Variants in CELF2 observed in about 807,000 individuals in gnomAD.
The protein encoded by CELF2 is CUG triplet repeat RNA-binding protein 2.
Under a neutral mutation model 62.6 loss-of-function variants are expected in CELF2, and 8 were observed. The observed-to-expected ratio is 0.13, with a 90% confidence interval of 0.07 to 0.23. The LOEUF is 0.23. CELF2 is among the 10% of genes least tolerant of loss of function. The pLI, the probability that CELF2 is intolerant of heterozygous loss-of-function variation, is 1.00. For synonymous variants in CELF2, 258 were observed against 250.0 expected (o/e 1.03, Z -0.30); for missense variants, 333 against 671.0 (o/e 0.50, Z 5.56).
At chr10:11,088,983 G>A (rs913087382) in intron 1 of CELF2, among the ~76,000 whole-genome samples, 14 of 152,216 alleles carry the variant, frequency 9.2e-5, no homozygotes, top group Admixed American at 1.3e-4. Flanking sequence ...CCATTGGCAC[G>A]GCTGCTGGGT....
chr10:11,232,509 GA>G (rs1165125868), intron 3 of CELF2, among the ~76,000 whole-genome samples: 4 of 152,156 alleles, frequency 2.6e-5, no homozygotes, highest in Non-Finnish European at 4.4e-5. Context: ...CTCATTAGTG[GA>G]AATGAGCTCT....
chr10:10,665,555 C>T, the CELF2 span, among the ~76,000 whole-genome samples: 3 of 152,084 alleles, frequency 2.0e-5, no homozygotes, highest in Non-Finnish European at 4.4e-5. Context: ...TAGAAACCTA[C>T]CAGCAGGTAT....
intron 1 of CELF2, among the ~76,000 whole-genome samples, chr10:11,054,726 G>GTT (rs113927896): frequency 3.9e-5 from 6 of 152,150 alleles, no homozygotes; most frequent in African/African-American, 1.4e-4. Context: ...TTTTCTAGTG[G>GTT]TTTTTTTCTT....
chr10:10,696,495 G>T, the CELF2 span, among the ~76,000 whole-genome samples: 2 of 151,872 alleles, frequency 1.3e-5, no homozygotes, highest in Admixed American at 1.3e-4. Context: ...AGCCTACAGA[G>T]GCAGGCAGGC....
the CELF2 span, among the ~76,000 whole-genome samples, chr10:10,773,215 T>G: frequency 6.6e-6 from 1 of 152,204 alleles, no homozygotes; most frequent in Non-Finnish European, 1.5e-5. Flanking sequence ...TTGACCCACC[T>G]TTTAAGATTT....
chr10:10,553,575 CAG>C, the CELF2 span, among the ~76,000 whole-genome samples: 1 of 152,136 alleles, frequency 6.6e-6, no homozygotes, highest in Non-Finnish European at 1.5e-5. Flanking sequence ...CGAAGGGAGA[CAG>C]AGTCACACAC....
intron 1 of CELF2, among the ~76,000 whole-genome samples, chr10:11,115,757 G>A (rs961750296): frequency 1.3e-5 from 2 of 152,140 alleles, no homozygotes; most frequent in African/African-American, 2.4e-5. Flanking sequence ...GAAAACATAG[G>A]GAGATTCAAG....
the CELF2 span, among the ~76,000 whole-genome samples, chr10:10,611,029 G>A: frequency 1.3e-4 from 20 of 152,318 alleles, no homozygotes; most frequent in Admixed American, 5.9e-4. Context: ...TGGACGAGGT[G>A]CTCTGTATGT....
At chr10:11,142,648 C>A (rs373791801) in intron 1 of CELF2, among the ~76,000 whole-genome samples, 1 of 138,734 alleles carries the variant, frequency 7.2e-6, no homozygotes. Context: ...CATGCCACTG[C>A]GGTCCAGCCT....
At chr10:10,562,120 G>C in the CELF2 span, among the ~76,000 whole-genome samples, 11 of 152,224 alleles carry the variant, frequency 7.2e-5, no homozygotes, top group African/African-American at 2.4e-4. Context: ...CCCCAGTGGA[G>C]AGGTTATTAG....
At chr10:11,074,795 T>C (rs1356491443) in intron 1 of CELF2, among the ~76,000 whole-genome samples, 1 of 152,146 alleles carries the variant, frequency 6.6e-6, no homozygotes, top group Non-Finnish European at 1.5e-5. Context: ...TATTCCAACC[T>C]CTACCTAGGA....
At position 11,005,361 on chromosome 10, in the gene CELF2, T is replaced by C. The variant is rs1481696464; in HGVS notation, c.-27T>C. 6.2e-7 allele frequency: 1 copy of C among 1,613,628 alleles called. No individual in the cohort carries two copies. Among genetic ancestry groups the C allele is most frequent in the South Asian group, 1.1e-5 (1 of 91,046 alleles). On this transcript the variant is annotated 5_prime_UTR_variant, in exon 1 of 13. Coordinates refer to the CELF2 transcript ENST00000416382. This position sits in a 1 kb window ranked among gnomAD's most constrained non-coding sequence, Gnocchi z 4.3. ...TGTTTGAGCATACTTCTGAACTGGC[T>C]TTTGTTGAGACTATCAGTATAGAAG... is the stretch of plus-strand genomic sequence containing the variant.
At chr10:10,501,706 G>A in the CELF2 span, among the ~76,000 whole-genome samples, 1 of 152,036 alleles carries the variant, frequency 6.6e-6, no homozygotes, top group African/African-American at 2.4e-5. Flanking sequence ...TTGTATGTAG[G>A]CAGTCATATC....
At chr10:11,101,005 A>T (rs2051453877) in intron 1 of CELF2, among the ~76,000 whole-genome samples, 1 of 152,136 alleles carries the variant, frequency 6.6e-6, no homozygotes, top group Non-Finnish European at 1.5e-5. Context: ...TTGAGACTTG[A>T]CTGTTTCTAA....
In CELF2 at chr10:11,320,207, C is replaced by T. The variant is rs192432319; in HGVS notation, c.1097-982C>T. On this transcript the variant is annotated intron_variant, in intron 10 of 12. Coordinates refer to ENST00000633077, the MANE Select transcript of CELF2 (RefSeq NM_001326342.2). The stretch of plus-strand genomic sequence containing the variant: ...TATAAAGTGTTGCTTGCTTTGACTC[C>T]GTATTCAGGGAAAATGTGACAGTCA... 2.5e-3 allele frequency among the ~76,000 whole-genome samples: 383 copies of T among 152,222 alleles called. 1 individual carries two copies. Among genetic ancestry groups the T allele is most frequent in the African/African-American group, 8.5e-3 (352 of 41,514 alleles).
chr10:11,272,731 GC>G (rs1207910890), intron 7 of CELF2, among the ~76,000 whole-genome samples: 1 of 152,192 alleles, frequency 6.6e-6, no homozygotes, highest in Non-Finnish European at 1.5e-5. Context: ...CAGCTGAAAA[GC>G]CCTTTCTCTG....
the CELF2 span, among the ~76,000 whole-genome samples, chr10:10,614,840 T>C: frequency 1.3e-5 from 2 of 152,094 alleles, no homozygotes; most frequent in Non-Finnish European, 2.9e-5. Context: ...AGATGGTAAA[T>C]GAAGAATCTG....
chr10:11,131,080 A>T (rs2059553866), intron 1 of CELF2, among the ~76,000 whole-genome samples: 1 of 152,258 alleles, frequency 6.6e-6, no homozygotes, highest in Non-Finnish European at 1.5e-5. Context: ...ATTACATTGC[A>T]GTTCTACTGA....
At position 11,234,285 on chromosome 10, in the gene CELF2, C is replaced by T. The variant is rs534184490; in HGVS notation, c.355-14868C>T. 2.8e-3 allele frequency among the ~76,000 whole-genome samples: 425 copies of T among 152,260 alleles called. 20 individuals are homozygous for T. In the South Asian group the frequency reaches 0.086, roughly 31 times the overall value. On this transcript the variant is annotated intron_variant, in intron 3 of 12. Coordinates refer to ENST00000633077, the MANE Select transcript of CELF2 (RefSeq NM_001326342.2). The stretch of plus-strand genomic sequence containing the variant: ...CTTGAGAGGGAACATTGTCAGAGCC[C>T]GGCTTAACACCTCACACCATAGATA...
Sources: allele counts gnomAD v4.1 joint callset (sites outside exome capture counted in the v4.1 genomes callset), GRCh38; gene constraint gnomAD v4.1.1; non-coding constraint Gnocchi (gnomAD v3.1); transcripts MANE v1.5; gene names NCBI Gene and HGNC (gene_info 2026-07-23, HGNC 2026-07-21).